The following DIP2C variants were observed in gnomAD, a reference collection of about 807,000 sequenced individuals.
DIP2C encodes the protein disco-interacting protein 2 homolog C.
Under a neutral mutation model 192.4 loss-of-function variants are expected in DIP2C, and 33 were observed. The ratio of observed to expected loss-of-function variants is 0.17; its 90% CI spans 0.13 to 0.23. The LOEUF (loss-of-function observed/expected upper bound fraction) is 0.23, where lower values mean the gene tolerates loss of function less well. Among genes scored for constraint, DIP2C ranks in the 10% least tolerant of loss-of-function variants. The pLI, the probability that DIP2C is intolerant of heterozygous loss-of-function variation, is 1.00. For missense variants in DIP2C, 1,537 were observed against 2,110.1 expected (o/e 0.73, Z 5.32); for synonymous variants, 979 against 864.1 (o/e 1.13, Z -2.33).
chr10:566,317 C>T (rs1045998298), intron 1 of DIP2C, among the ~76,000 whole-genome samples: 7 of 152,294 alleles, frequency 4.6e-5, no homozygotes, highest in Non-Finnish European at 5.9e-5. Flanking sequence ...TACTTTTTCA[C>T]GTGACCCTCG....
intron 1 of DIP2C, among the ~76,000 whole-genome samples, chr10:576,855 A>G (rs1850193049): frequency 6.6e-6 from 1 of 152,140 alleles, no homozygotes; most frequent in African/African-American, 2.4e-5. Context: ...GGTTGTAGTG[A>G]ACCAAGATCG....
intron 1 of DIP2C, among the ~76,000 whole-genome samples, chr10:524,759 A>G (rs945547773): frequency 6.6e-6 from 1 of 152,144 alleles, no homozygotes. Flanking sequence ...TACTTCCAAC[A>G]ATAATAGCTC....
At chr10:627,249 G>A (rs1854258191) in intron 1 of DIP2C, among the ~76,000 whole-genome samples, 1 of 152,176 alleles carries the variant, frequency 6.6e-6, no homozygotes, top group Non-Finnish European at 1.5e-5. Context: ...TCATGCCCCG[G>A]GCAAGAAGGC....
intron 33 of DIP2C, among the ~76,000 whole-genome samples, chr10:287,639 A>G (rs1955217614): frequency 6.7e-6 from 1 of 148,396 alleles, no homozygotes; most frequent in Non-Finnish European, 1.5e-5. Context: ...ATGTCAATGG[A>G]GAAGGAATCT....
intron 16 of DIP2C, 27 bp downstream of exon 16, chr10:384,000 T>C: frequency 6.7e-7 from 1 of 1,486,090 alleles, no homozygotes; most frequent in Non-Finnish European, 8.9e-7. Context: ...CCCGCCTGCC[T>C]CACGAGATCA....
chr10:603,815 A>G (rs533528018), intron 1 of DIP2C, among the ~76,000 whole-genome samples: 1 of 152,290 alleles, frequency 6.6e-6, no homozygotes, highest in Non-Finnish European at 1.5e-5. Context: ...GCTGAAGTCA[A>G]GGGGTCAGTA....
chr10:575,772 A>G (rs11253254), intron 1 of DIP2C, among the ~76,000 whole-genome samples: 21,765 of 152,244 alleles, frequency 0.14, 1,993 homozygotes, highest in East Asian at 0.27. Context: ...AAGCAGGGCC[A>G]GAGCCAGGGG....
intron 1 of DIP2C, among the ~76,000 whole-genome samples, chr10:573,826 C>A (rs1849977407): frequency 6.6e-6 from 1 of 152,100 alleles, no homozygotes; most frequent in South Asian, 2.1e-4. Context: ...TTACACATCT[C>A]AAAACTCACA....
chr10:283,417 G>A lies in DIP2C; in HGVS notation c.4149C>T (p.Ser1383=), dbSNP rs145443667. ...CGTCTCCGTAAATAGTGAAATAACC[G>A]CTGGCATTGTGGGCACTGTGAACCC... ...EIWVHSAHNA[S]GYFTIYGDES... is the part of the protein sequence containing the mutation. Residue 1383 remains serine (S), a synonymous_variant, in exon 35 of 37, where the codon AGC becomes AGT. Coordinates refer to ENST00000280886, the MANE Select transcript of DIP2C (RefSeq NM_014974.3). The A allele has an allele frequency of 4.5e-5, 72 of 1,614,142 alleles. No individual in the cohort carries two copies. The Middle Eastern group carries it at 1.3e-3, about 30-fold the overall frequency.
intron 4 of DIP2C, among the ~76,000 whole-genome samples, chr10:435,139 C>T (rs1216015411): frequency 6.6e-6 from 1 of 152,146 alleles, no homozygotes; most frequent in Non-Finnish European, 1.5e-5. Context: ...CTGTAGTCGT[C>T]CCATAGTGCT....
At chr10:308,841 G>A (rs2132313328) in intron 32 of DIP2C, among the ~76,000 whole-genome samples, 1 of 152,352 alleles carries the variant, frequency 6.6e-6, no homozygotes, top group Admixed American at 6.5e-5. Flanking sequence ...AACCGTCAGG[G>A]CGGGCGTGGC....
At chr10:627,026 C>G (rs1854246444) in intron 1 of DIP2C, among the ~76,000 whole-genome samples, 1 of 152,276 alleles carries the variant, frequency 6.6e-6, no homozygotes, top group Admixed American at 6.5e-5. Context: ...GCTTTGTCCT[C>G]CTTCCACAAA....
intron 1 of DIP2C, among the ~76,000 whole-genome samples, chr10:614,530 C>CA (rs1300970412): frequency 6.6e-6 from 1 of 152,200 alleles, no homozygotes; most frequent in Non-Finnish European, 1.5e-5. Flanking sequence ...AAGGTGCCCT[C>CA]ACCACAGGCA....
At chr10:635,325 G>A (rs950537996) in intron 1 of DIP2C, among the ~76,000 whole-genome samples, 8 of 152,202 alleles carry the variant, frequency 5.3e-5, no homozygotes, top group African/African-American at 9.6e-5. Context: ...CACATCGGCC[G>A]GCACCTGGGC....
intron 1 of DIP2C, among the ~76,000 whole-genome samples, chr10:571,442 C>A (rs759059414): frequency 1.3e-5 from 2 of 151,524 alleles, no homozygotes; most frequent in Non-Finnish European, 2.9e-5. Context: ...CTGCCCACTG[C>A]CCTCTCTCTT....
chr10:329,289 G>C, intron 30 of DIP2C, 144 bp downstream of exon 30: 1 of 812,048 alleles, frequency 1.2e-6, no homozygotes, highest in East Asian at 3.2e-5. Context: ...TATAAAGGCA[G>C]TTTGTAAGCT....
chr10:521,484 C>G (rs368438302), intron 1 of DIP2C, among the ~76,000 whole-genome samples: 2 of 152,320 alleles, frequency 1.3e-5, no homozygotes, highest in East Asian at 1.9e-4. Context: ...TCTCTGCCCC[C>G]CAAAGCCTGA....
intron 8 of DIP2C, among the ~76,000 whole-genome samples, chr10:409,325 G>A (rs935620655): frequency 7.2e-5 from 11 of 152,028 alleles, no homozygotes; most frequent in East Asian, 5.8e-4. Context: ...GGGGGGGCGC[G>A]GACAGTGCAC....
At chr10:619,426 T>C (rs1214684389) in intron 1 of DIP2C, among the ~76,000 whole-genome samples, 1 of 151,108 alleles carries the variant, frequency 6.6e-6, no homozygotes, top group African/African-American at 2.4e-5. Flanking sequence ...CCCTGGTCCT[T>C]ATGGCACCCA....
Sources: allele counts gnomAD v4.1 joint callset (sites outside exome capture counted in the v4.1 genomes callset), GRCh38; gene constraint gnomAD v4.1.1; transcripts MANE v1.5; gene names NCBI Gene and HGNC (gene_info 2026-07-23, HGNC 2026-07-21).